DISP1: variants seen among roughly 807,000 people sequenced by gnomAD.
DISP1 encodes the protein protein dispatched homolog 1.
In DISP1, 30 loss-of-function variants were observed where a neutral mutation model predicts 37.3. That is an observed-to-expected ratio of 0.80 (90% confidence interval 0.60 to 1.09). The LOEUF is 1.09. Ranked by LOEUF, DISP1 falls within the 50% of genes least tolerant of loss-of-function variation. The probability of loss-of-function intolerance (pLI) is 0.00; values close to 1 mark genes in which losing one functional copy is unlikely to be tolerated. For missense variants in DISP1, 1,598 were observed against 1,879.5 expected (o/e 0.85, Z 2.77); for synonymous variants, 634 against 690.2 (o/e 0.92, Z 1.28).
Position 223,003,901 on chromosome 1 carries a change from G to A in DISP1, c.2504G>A (p.Arg835Lys). 1 of 1,614,144 alleles carries A rather than the reference G, an allele frequency of 6.2e-7. No homozygotes were observed. The highest frequency in any genetic ancestry group is 8.5e-7 in the Non-Finnish European group (1 of 1,180,032). ...ATTTTGCACTTCTGTCAAAAACTGA[G>A]AAACCAAACATTCTTTTACCAGACT... ...AWILHFCQKL[R>K]NQTFFYQTDE... The change falls in exon 9 of 9, where the codon AGA becomes AAA. Residue 835 changes from arginine to lysine, a missense_variant. Coordinates refer to ENST00000675850, the MANE Select transcript of DISP1 (RefSeq NM_001377229.1). The surrounding 1 kb of genome is among the most constrained non-coding windows in gnomAD (Gnocchi z 4.3).
At chr1:222,867,799 G>C (rs1172615717) in intron 1 of DISP1, among the ~76,000 whole-genome samples, 1 of 152,136 alleles carries the variant, frequency 6.6e-6, no homozygotes, top group Non-Finnish European at 1.5e-5. Context: ...TCTTGGTATA[G>C]ATTTATATAG....
At chr1:222,881,980 T>C (rs1484785763) in intron 1 of DISP1, among the ~76,000 whole-genome samples, 1 of 152,194 alleles carries the variant, frequency 6.6e-6, no homozygotes, top group Non-Finnish European at 1.5e-5. Context: ...AAAAGGCAGT[T>C]AAGAAGACTG....
At chr1:222,944,309 T>G (rs895472383) in intron 3 of DISP1, among the ~76,000 whole-genome samples, 1 of 152,214 alleles carries the variant, frequency 6.6e-6, no homozygotes, top group Non-Finnish European at 1.5e-5. Context: ...AGTCCATAGT[T>G]TCTCATATGT....
intron 1 of DISP1, among the ~76,000 whole-genome samples, chr1:222,851,818 G>C (rs1246914763): frequency 6.7e-6 from 1 of 149,318 alleles, no homozygotes; most frequent in African/African-American, 2.5e-5. Flanking sequence ...ATCCAAGCCA[G>C]CTTGGAACCA....
chr1:222,948,359 C>T (rs1354631216), intron 3 of DISP1, among the ~76,000 whole-genome samples: 1 of 152,170 alleles, frequency 6.6e-6, no homozygotes, highest in Non-Finnish European at 1.5e-5. Flanking sequence ...GCTATCTCGT[C>T]CTTTACCCAA....
chr1:222,924,412 C>G (rs553654342), intron 1 of DISP1, among the ~76,000 whole-genome samples: 105 of 152,226 alleles, frequency 6.9e-4, no homozygotes, highest in African/African-American at 2.3e-3. Flanking sequence ...AGACTGTAAC[C>G]TCTTGATTCA....
intron 3 of DISP1, among the ~76,000 whole-genome samples, chr1:222,975,296 A>G (rs1404952766): frequency 6.6e-6 from 1 of 152,090 alleles, no homozygotes; most frequent in Non-Finnish European, 1.5e-5. Flanking sequence ...AAGTACTGAC[A>G]TTTGCAGGCG....
intron 8 of DISP1, among the ~76,000 whole-genome samples, chr1:222,995,619 G>A (rs750907121): frequency 3.9e-5 from 6 of 152,136 alleles, no homozygotes; most frequent in Non-Finnish European, 7.4e-5. Flanking sequence ...AAACATGTCC[G>A]CATCAGAAAA....
At chr1:222,891,389 T>C (rs538285510) in intron 1 of DISP1, among the ~76,000 whole-genome samples, 1 of 152,136 alleles carries the variant, frequency 6.6e-6, no homozygotes, top group Admixed American at 6.5e-5. Context: ...AGTAGAAAGA[T>C]AGAAATTTCT....
chr1:222,997,658 T>C (rs79896062), intron 8 of DISP1, among the ~76,000 whole-genome samples: 2,562 of 152,328 alleles, frequency 0.017, 70 homozygotes, highest in South Asian at 0.11. Flanking sequence ...TGTACTCTGC[T>C]TGTCTATCTT....
chr1:222,982,076 G>A (rs1387753174), intron 3 of DISP1, among the ~76,000 whole-genome samples: 1 of 152,146 alleles, frequency 6.6e-6, no homozygotes, highest in East Asian at 1.9e-4. Context: ...AACACATTTT[G>A]TGAATAATAA....
At position 222,876,997 on chromosome 1, in the gene DISP1, A is replaced by G. The variant is rs146563666; in HGVS notation, c.-158-51433A>G. On this transcript the variant is annotated intron_variant, in intron 1 of 8. Coordinates refer to ENST00000675850, the MANE Select transcript of DISP1 (RefSeq NM_001377229.1). ...CACGCAAATTAAGATGAATATATGA[A>G]CATGTTGTGAAAACAGCAAAGAGAG... 4.2e-3 allele frequency among the ~76,000 whole-genome samples: 638 copies of G among 152,314 alleles called. 13 individuals are homozygous for G. The highest frequency in any genetic ancestry group is 0.018 in the Admixed American group (276 of 15,298).
chr1:222,920,600 G>A (rs556785180), intron 1 of DISP1, among the ~76,000 whole-genome samples: 166 of 152,160 alleles, frequency 1.1e-3, no homozygotes, highest in African/African-American at 3.4e-3. Context: ...TGTGAAATCC[G>A]CAATAAACTA....
At chr1:222,984,070 CCTT>C (rs1261170462) in intron 4 of DISP1, among the ~76,000 whole-genome samples, 6 of 151,654 alleles carry the variant, frequency 4.0e-5, no homozygotes, top group African/African-American at 7.3e-5. Context: ...AGTAAACTCT[CCTT>C]CTATTTAAAA....
intron 2 of DISP1, among the ~76,000 whole-genome samples, chr1:222,934,827 T>C (rs1050814367): frequency 8.5e-5 from 13 of 152,094 alleles, no homozygotes; most frequent in African/African-American, 3.1e-4. Flanking sequence ...ACAGCTGTTA[T>C]TTGCATGCAC....
intron 3 of DISP1, among the ~76,000 whole-genome samples, chr1:222,982,108 A>T (rs1326699051): frequency 6.6e-6 from 1 of 152,256 alleles, no homozygotes; most frequent in Admixed American, 6.5e-5. Flanking sequence ...AAAACAAAAA[A>T]GTTTAGCAAG....
In DISP1 at chr1:222,887,653, C is replaced by T. The variant is rs573163720; in HGVS notation, c.-158-40777C>T. Among the ~76,000 whole-genome samples the T allele has an allele frequency of 5.0e-3, 699 of 138,586 alleles. 67 individuals carry two copies. The highest frequency in any genetic ancestry group is 8.5e-3 in the Non-Finnish European group (537 of 62,974). 90.9% of individuals were successfully genotyped at this position (138,586 alleles called of 152,430 possible). ...AGCTGGGACTACAGGCGCCCGCCAC[C>T]GCGCCCGGCTAATTTTTTGTATTTT... is the stretch of plus-strand genomic sequence containing the variant. On this transcript the variant is annotated intron_variant, in intron 1 of 8. Transcript: ENST00000675850.
At chr1:222,821,014 T>G (rs1572121707) in intron 1 of DISP1, among the ~76,000 whole-genome samples, 1 of 152,186 alleles carries the variant, frequency 6.6e-6, no homozygotes, top group African/African-American at 2.4e-5. Flanking sequence ...ATCCCACGGG[T>G]CTTTGGCATG....
intron 1 of DISP1, among the ~76,000 whole-genome samples, chr1:222,887,005 T>C (rs537531224): frequency 6.6e-6 from 1 of 152,144 alleles, no homozygotes; most frequent in Non-Finnish European, 1.5e-5. Flanking sequence ...GGAGGGTTTG[T>C]TTATAGATAA....
Sources: gnomAD v4.1 joint callset for allele counts (sites outside exome capture counted in the v4.1 genomes callset) on GRCh38, gnomAD v4.1.1 for gene constraint, Gnocchi (gnomAD v3.1) non-coding constraint, MANE v1.5 for transcripts, NCBI Gene and HGNC (gene_info 2026-07-23, HGNC 2026-07-21) for gene names.